ARHGEF11: variants seen among roughly 807,000 people sequenced by gnomAD.
The protein encoded by ARHGEF11 is Rho guanine exchange factor (GEF) 11.
Under a neutral mutation model 193.7 loss-of-function variants are expected in ARHGEF11, and 55 were observed. That is an observed-to-expected ratio of 0.28 (90% confidence interval 0.23 to 0.36). The LOEUF is 0.36. Among genes scored for constraint, ARHGEF11 ranks in the 10% least tolerant of loss-of-function variants. The pLI, the probability that ARHGEF11 is intolerant of heterozygous loss-of-function variation, is 1.00. For missense variants in ARHGEF11, 1,723 were observed against 2,005.6 expected (o/e 0.86, Z 2.69); for synonymous variants, 693 against 768.0 (o/e 0.90, Z 1.62).
chr1:156,990,613 T>C (rs116759589), intron 1 of ARHGEF11, among the ~76,000 whole-genome samples: 315 of 152,322 alleles, frequency 2.1e-3, no homozygotes, highest in African/African-American at 7.2e-3. Context: ...AAGAATGTCA[T>C]CTCATCCCTT....
rs1039295627 is a variant in ARHGEF11 at position 156,946,544 on chromosome 1, G to C, written c.2694+118C>G. On this transcript the variant is annotated intron_variant, in intron 28 of 40. Transcript: ENST00000368194. The stretch of plus-strand genomic sequence containing the variant: ...TCAGTGCTTTTGAGGAGCGTGTGTC[G>C]AAGGGTAGAGGGAGTTGCTGTAGAC... 4 of 1,410,510 alleles carry C rather than the reference G, an allele frequency of 2.8e-6. No individual in the cohort carries two copies. In the East Asian group the frequency reaches 6.9e-5, roughly 24 times the overall value. The allele number at this position is 1,410,510 out of a possible 1,614,324, so 87.4% of individuals were successfully genotyped here.
Position 156,959,136 on chromosome 1 carries a change from C to A in ARHGEF11, c.1289G>T (p.Arg430Leu). Residue 430 changes from arginine to leucine, a missense_variant, in exon 16 of 41, where the codon CGC (arginine) becomes CTC (leucine). Transcript: ENST00000368194. ...PEMLQAEIDS[R>L]LRNSEDARGV... ...ACGGGCATCTTCGCTGTTCCGCAGGCGCGAGTCTGTAGTGGGAGATCAGAG... is the reference window on the plus strand; with the variant it reads ...ACGGGCATCTTCGCTGTTCCGCAGGAGCGAGTCTGTAGTGGGAGATCAGAG... 6.2e-7 allele frequency: 1 copy of A among 1,613,986 alleles called. No individual in the cohort carries two copies.
intron 1 of ARHGEF11, among the ~76,000 whole-genome samples, chr1:157,036,510 C>T (rs1169196037): frequency 1.3e-5 from 2 of 151,926 alleles, no homozygotes. Flanking sequence ...TTAGTAGAGA[C>T]GGGGTTTCAC....
intron 1 of ARHGEF11, 24 bp from the exon 2 acceptor site, chr1:156,986,197 T>A: frequency 6.3e-7 from 1 of 1,592,306 alleles, no homozygotes; most frequent in Non-Finnish European, 8.6e-7. Context: ...AAGGAAAGCA[T>A]GTCAATGAGC....
Position 156,984,428 on chromosome 1 carries a change from T to C in ARHGEF11, c.134A>G (p.Gln45Arg), listed in dbSNP as rs1260060048. ...SDASETTGLVQRCVIIQKDQH... is the reference protein window; with the variant it reads ...SDASETTGLVRRCVIIQKDQH... Reference sequence around the variant, plus strand: ...GTCCTTTTGGATAATGACACAGCGTTGAACGAGACCTGGAAGGCGGAGAGA... The same window carrying C: ...GTCCTTTTGGATAATGACACAGCGTCGAACGAGACCTGGAAGGCGGAGAGA... Residue 45 changes from glutamine to arginine, a missense_variant, in exon 3 of 41, where the codon CAA (glutamine) becomes CGA (arginine). By Grantham distance (43) the Gln-to-Arg change is conservative. This residue lies in a region of ARHGEF11 where 646 missense variants were observed against 710.7 expected (regional missense o/e 0.91). Coordinates refer to ENST00000368194, the MANE Select transcript of ARHGEF11 (RefSeq NM_198236.3). 6.3e-7 allele frequency: 1 copy of C among 1,590,636 alleles called. No homozygotes were observed. Among genetic ancestry groups the C allele is most frequent in the South Asian group, 1.1e-5 (1 of 87,186 alleles).
chr1:156,993,930 G>C (rs1190046561), intron 1 of ARHGEF11, among the ~76,000 whole-genome samples: 2 of 152,154 alleles, frequency 1.3e-5, no homozygotes, highest in Non-Finnish European at 2.9e-5. Flanking sequence ...TCACTTTCTA[G>C]CTATCCAGCA....
Position 156,941,448 on chromosome 1 carries a change from C to A in ARHGEF11, c.3453-15G>T. 1 of 1,612,950 alleles carries A rather than the reference C, an allele frequency of 6.2e-7. No homozygotes were observed. The highest frequency in any genetic ancestry group is 1.1e-5 in the South Asian group (1 of 91,004). On this transcript the variant is annotated splice_polypyrimidine_tract_variant and intron_variant, in intron 34 of 40. Transcript: ENST00000368194. ...CCAGTTCTACCCTGAGGAAGGAAAC[C>A]AACACAGGATGAGATCCCATGAGAT...
chr1:156,972,650 T>C (rs557767333), intron 7 of ARHGEF11, among the ~76,000 whole-genome samples: 6 of 152,326 alleles, frequency 3.9e-5, no homozygotes, highest in South Asian at 2.1e-4. Flanking sequence ...ACAACCATTT[T>C]ACAAATTCCC....
At position 156,943,467 on chromosome 1, in the gene ARHGEF11, T is replaced by G. The variant is rs945428041; in HGVS notation, c.3235+468A>C. On this transcript the variant is annotated intron_variant, in intron 32 of 40. Coordinates refer to ENST00000368194, the MANE Select transcript of ARHGEF11 (RefSeq NM_198236.3). ...GACGAAGAAAGTGAATCCAGAGAAT[T>G]TTGCTCCAGAGCCCTTTCTCACACA... is the stretch of plus-strand genomic sequence containing the variant. 4.6e-5 allele frequency among the ~76,000 whole-genome samples: 7 copies of G among 152,296 alleles called. No homozygotes were observed. In the East Asian group the frequency reaches 1.3e-3, roughly 29 times the overall value.
At chr1:156,949,076 T>C (rs1658674870) in intron 22 of ARHGEF11, 1 of 985,356 alleles carries the variant, frequency 1.0e-6, no homozygotes. Context: ...GCTGGATTCT[T>C]AGCCTTCCAG....
At chr1:156,996,577 T>A (rs1386688516) in intron 1 of ARHGEF11, among the ~76,000 whole-genome samples, 1 of 151,586 alleles carries the variant, frequency 6.6e-6, no homozygotes, top group African/African-American at 2.4e-5. Context: ...ATTGAGACCA[T>A]CCTGGCTAAC....
rs777374980 is a variant in ARHGEF11, at chr1:156,971,861, G to T, written c.583-45C>A. 7 of 1,590,190 alleles carry T rather than the reference G, an allele frequency of 4.4e-6. 1 individual carries two copies. The South Asian group carries it at 5.6e-5, about 13-fold the overall frequency. ...AGAAGGGGGAGGGGAAAAGGCAGAG[G>T]GGTGGTTAATAGAGAATGGATGACT... On this transcript the variant is annotated intron_variant, in intron 7 of 40. Transcript: ENST00000368194.
chr1:157,007,568 G>T (rs1483837477), intron 1 of ARHGEF11, among the ~76,000 whole-genome samples: 5 of 152,084 alleles, frequency 3.3e-5, no homozygotes, highest in African/African-American at 1.2e-4. Flanking sequence ...TTGTGCGGCG[G>T]GGGGAGGAGT....
At position 156,959,102 on chromosome 1, in the gene ARHGEF11, G is replaced by C; in HGVS notation, c.1323C>G (p.Leu441=). The change falls in exon 16 of 41, where the codon CTC becomes CTG. Residue 441 remains leucine, a synonymous_variant. Transcript: ENST00000368194. ...LRNSEDARGV[L]CEAQEAAMPE... is the part of the protein sequence containing the mutation. ...GCATGGCTGCCTCTTGAGCTTCACA[G>C]AGAACACCACGGGCATCTTCGCTGT... 6 of 1,614,242 alleles carry C rather than the reference G, an allele frequency of 3.7e-6. No individual in the cohort carries two copies. The highest frequency in any genetic ancestry group is 5.1e-6 in the Non-Finnish European group (6 of 1,180,040).
At chr1:156,990,860 G>A (rs1665601629) in intron 1 of ARHGEF11, among the ~76,000 whole-genome samples, 1 of 152,070 alleles carries the variant, frequency 6.6e-6, no homozygotes, top group Non-Finnish European at 1.5e-5. Flanking sequence ...TGCCAGACCT[G>A]GAATTAAACA....
Position 156,963,213 on chromosome 1 carries a change from G to A in ARHGEF11, c.1130C>T (p.Pro377Leu), listed in dbSNP as rs775619740. ...FLRYIFSQADPSPLLFYLCAE... is the reference protein window; with the variant it reads ...FLRYIFSQADLSPLLFYLCAE... ...ATGATTCTGACTTACCAGTGGACTG[G>A]GGTCCGCCTGAGAGAAGATGTAACG... Residue 377 changes from proline (P) to leucine (L), a missense_variant, in exon 13 of 41, where the codon CCC becomes CTC. Pro to Leu is a moderately conservative substitution (Grantham distance 98, BLOSUM62 -3). Transcript: ENST00000368194. The A allele has an allele frequency of 6.2e-7, 1 of 1,613,482 alleles. No homozygotes were observed. The highest frequency in any genetic ancestry group is 1.7e-5 in the Admixed American group (1 of 60,016).
In ARHGEF11 at chr1:156,941,453, C is replaced by A; in HGVS notation, c.3453-20G>T. 2 of 1,612,782 alleles carry A rather than the reference C, an allele frequency of 1.2e-6. No homozygotes were observed. Among genetic ancestry groups the A allele is most frequent in the Non-Finnish European group, 1.7e-6 (2 of 1,178,954 alleles). On this transcript the variant is annotated intron_variant, in intron 34 of 40. Transcript: ENST00000368194. ...TCTACCCTGAGGAAGGAAACCAACA[C>A]AGGATGAGATCCCATGAGATTCCAC... is the stretch of plus-strand genomic sequence containing the variant.
At chr1:157,034,015 G>C (rs1449828047) in intron 1 of ARHGEF11, among the ~76,000 whole-genome samples, 1 of 152,200 alleles carries the variant, frequency 6.6e-6, no homozygotes, top group Non-Finnish European at 1.5e-5. Context: ...CTAGCACTAC[G>C]ATAAGTGAAG....
At chr1:157,031,643 C>T (rs920075165) in intron 1 of ARHGEF11, among the ~76,000 whole-genome samples, 10 of 152,170 alleles carry the variant, frequency 6.6e-5, no homozygotes, top group African/African-American at 1.2e-4. Flanking sequence ...GAGGAAGAGG[C>T]TCGAAGGTCA....
Sources: gnomAD v4.1 joint callset for allele counts (sites outside exome capture counted in the v4.1 genomes callset) on GRCh38, gnomAD v4.1.1 for gene constraint, gnomAD v4.1.1 regional missense constraint, MANE v1.5 for transcripts, NCBI Gene and HGNC (gene_info 2026-07-23, HGNC 2026-07-21) for gene names.